The following TSPAN15 variants were observed in gnomAD, a reference collection of about 807,000 sequenced individuals.
TSPAN15 encodes tetraspanin 15.
Under a neutral mutation model 34.5 loss-of-function variants are expected in TSPAN15, and 20 were observed. That is an observed-to-expected ratio of 0.58 (90% CI 0.41 to 0.84). The LOEUF (loss-of-function observed/expected upper bound fraction) is 0.84, where lower values mean the gene tolerates loss of function less well. Ranked by LOEUF, TSPAN15 falls within the 40% of genes least tolerant of loss-of-function variation. The pLI, the probability that TSPAN15 is intolerant of heterozygous loss-of-function variation, is 0.00. For missense variants in TSPAN15, 313 were observed against 386.1 expected, an observed-to-expected ratio of 0.81 and a Z score of 1.59; for synonymous variants, 155 against 153.9, an observed-to-expected ratio of 1.01 and a Z score of -0.05.
At chr10:69,510,595 A>G (rs936144808), downstream of TSPAN15, among the ~76,000 whole-genome samples, 119 of 152,212 alleles carry the variant, frequency 7.8e-4, no homozygotes, top group African/African-American at 2.7e-3. Context: ...TGCCCTGGCC[A>G]GAACTTCTAA....
chr10:69,454,289 G>A (rs531289274), intron 1 of TSPAN15, among the ~76,000 whole-genome samples: 16 of 152,278 alleles, frequency 1.1e-4, no homozygotes, highest in East Asian at 1.9e-4. Context: ...AGACTGAGGC[G>A]GGAGGATCAC....
intron 1 of TSPAN15, among the ~76,000 whole-genome samples, chr10:69,455,861 C>G (rs1379153088): frequency 2.0e-5 from 3 of 151,940 alleles, no homozygotes; most frequent in South Asian, 2.1e-4. Context: ...ACACTGAGCC[C>G]CCAGGTCAAC....
chr10:69,532,993 CAAG>C, the TSPAN15 span, among the ~76,000 whole-genome samples: 1 of 152,160 alleles, frequency 6.6e-6, no homozygotes, highest in Non-Finnish European at 1.5e-5. Context: ...CTTAGTCCTG[CAAG>C]AATGGTCATA....
At chr10:69,489,415 C>T (rs1841922642) in intron 3 of TSPAN15, among the ~76,000 whole-genome samples, 1 of 152,144 alleles carries the variant, frequency 6.6e-6, no homozygotes, top group South Asian at 2.1e-4. Context: ...GACATACATC[C>T]CCAGCTTACG....
downstream of TSPAN15, among the ~76,000 whole-genome samples, chr10:69,512,233 A>G (rs1234162898): frequency 1.3e-5 from 2 of 152,242 alleles, no homozygotes; most frequent in Admixed American, 1.3e-4. Context: ...GGATGGAACC[A>G]TAAATGAGTC....
intron 5 of TSPAN15, among the ~76,000 whole-genome samples, chr10:69,498,930 G>T (rs60590291): frequency 0.082 from 12,523 of 152,176 alleles, 589 homozygotes; most frequent in South Asian, 0.13. Flanking sequence ...GTGGAGGCAG[G>T]CAGGACCTGC....
In TSPAN15 at chr10:69,489,656, A is replaced by T. The variant is rs146885536; in HGVS notation, c.357+4441A>T. ...CGGCCACAGCCAGGCATTGAAAGCTAAACAGACTCCTGGATATAAGGAGGA... is the reference window on the plus strand; with the variant it reads ...CGGCCACAGCCAGGCATTGAAAGCTTAACAGACTCCTGGATATAAGGAGGA... On this transcript the variant is annotated intron_variant, in intron 3 of 7. Coordinates refer to ENST00000373290, the MANE Select transcript of TSPAN15 (RefSeq NM_012339.5). 4.2e-3 allele frequency among the ~76,000 whole-genome samples: 645 copies of T among 152,310 alleles called. 18 individuals carry two copies. Among genetic ancestry groups the T allele is most frequent in the Admixed American group, 0.028 (428 of 15,296 alleles).
chr10:69,537,066 A>G, the TSPAN15 span, among the ~76,000 whole-genome samples: 13 of 151,722 alleles, frequency 8.6e-5, no homozygotes, highest in African/African-American at 3.1e-4. Flanking sequence ...ATTACCCCTT[A>G]AAGGCCCTGT....
chr10:69,457,896 T>C (rs1330164899), intron 1 of TSPAN15, among the ~76,000 whole-genome samples: 3 of 152,226 alleles, frequency 2.0e-5, no homozygotes, highest in African/African-American at 7.2e-5. Context: ...GTCGTTCTTT[T>C]CCTGCCTTCC....
chr10:69,455,532 CTCTT>C lies in TSPAN15; in HGVS notation c.96+3855_96+3858del, dbSNP rs763076324. Among the ~76,000 whole-genome samples, 34 of 147,584 alleles carry C rather than the reference CTCTT, an allele frequency of 2.3e-4. No homozygotes were observed. The East Asian group carries it at 2.8e-3, about 12-fold the overall frequency. ...AGTCTTTCTTTCCCTCTCTTTCTTT[CTCTT>C]TCTTTCTTTCTTCTCTCTCTCTCTT... On this transcript the variant is annotated intron_variant, in intron 1 of 7. Coordinates refer to ENST00000373290, the MANE Select transcript of TSPAN15 (RefSeq NM_012339.5).
At chr10:69,521,746 A>C in the TSPAN15 span, among the ~76,000 whole-genome samples, 10 of 147,768 alleles carry the variant, frequency 6.8e-5, no homozygotes, top group South Asian at 2.1e-3. Flanking sequence ...CAGGACTTAC[A>C]ACATTAGCTC....
rs373828363 is a variant in TSPAN15 at position 69,507,182 on chromosome 10, G to C, written c.*204G>C. On this transcript the variant is annotated 3_prime_UTR_variant, in exon 8 of 8. Transcript: ENST00000373290. The stretch of plus-strand genomic sequence containing the variant: ...GGGCCTCCCCTAAGAGGCTTTCCCC[G>C]AGGCAGCTCTGGAATCTGTGCCCAC... 1.6e-3 allele frequency: 2,293 copies of C among 1,420,752 alleles called. 26 individuals are homozygous for C. In the African/African-American group the frequency reaches 0.03, roughly 19 times the overall value. The allele number at this position is 1,420,752 out of a possible 1,614,324, so 88.0% of individuals were successfully genotyped here.
intron 2 of TSPAN15, 37 bp from the exon 3 acceptor site, chr10:69,485,104 C>T: frequency 6.3e-7 from 1 of 1,598,784 alleles, no homozygotes; most frequent in Non-Finnish European, 8.6e-7. Flanking sequence ...ACGCCCACTG[C>T]TCCTCTCCAG....
chr10:69,497,203 G>A (rs1842104053), intron 4 of TSPAN15, among the ~76,000 whole-genome samples: 1 of 152,148 alleles, frequency 6.6e-6, no homozygotes. Flanking sequence ...ACAGTTCTAG[G>A]TCCCAAAACC....
intron 1 of TSPAN15, among the ~76,000 whole-genome samples, chr10:69,469,649 TTAA>T (rs1249318544): frequency 1.3e-5 from 2 of 152,218 alleles, no homozygotes; most frequent in South Asian, 2.1e-4. Flanking sequence ...GCCATTACTT[TTAA>T]TAATAATATT....
At chr10:69,504,523 T>G in intron 6 of TSPAN15, 38 bp downstream of exon 6, 1 of 1,610,034 alleles carries the variant, frequency 6.2e-7, no homozygotes, top group Non-Finnish European at 8.5e-7. Context: ...GAAATGTTGC[T>G]CTTCCTGGTC....
chr10:69,494,718 A>G (rs905698820), intron 3 of TSPAN15: 2 of 985,164 alleles, frequency 2.0e-6, no homozygotes, highest in Non-Finnish European at 2.4e-6. Context: ...CACCCCCGGG[A>G]ATTGTCTGGC....
chr10:69,507,649 ATGTTT>A lies in TSPAN15; in HGVS notation c.*673_*677del. 8.7e-7 allele frequency: 1 copy of A among 1,153,872 alleles called. No individual in the cohort carries two copies. Among genetic ancestry groups the A allele is most frequent in the Non-Finnish European group, 1.1e-6 (1 of 917,820 alleles). 71.5% of individuals were successfully genotyped at this position (1,153,872 alleles called of 1,614,324 possible). ...AGTTTGTTAATCAAACAATAAAAACATGTTTTTTTTTTTTTTTTTTTTTTGCCTTT... is the reference window on the plus strand; with the variant it reads ...AGTTTGTTAATCAAACAATAAAAACATTTTTTTTTTTTTTTTTTTGCCTTT... On this transcript the variant is annotated 3_prime_UTR_variant, in exon 8 of 8. Transcript: ENST00000373290.
chr10:69,479,168 TG>T (rs1841678163), intron 1 of TSPAN15, among the ~76,000 whole-genome samples: 1 of 152,190 alleles, frequency 6.6e-6, no homozygotes. Context: ...ATTTGCCTTT[TG>T]GGGGTGAAAA....
Sources: gnomAD v4.1 joint callset for allele counts (sites outside exome capture counted in the v4.1 genomes callset) on GRCh38, gnomAD v4.1.1 for gene constraint, MANE v1.5 for transcripts, NCBI Gene and HGNC (gene_info 2026-07-23, HGNC 2026-07-21) for gene names.